The following BCL9 variants were observed in gnomAD, a reference collection of about 807,000 sequenced individuals.
BCL9 encodes the protein BCL9 transcription coactivator.
BCL9 carries 25 observed loss-of-function variants against 88.5 expected under a neutral mutation model. The observed-to-expected ratio is 0.28, with a 90% confidence interval of 0.21 to 0.39. BCL9 has a LOEUF of 0.39. Ranked by LOEUF, BCL9 falls within the 10% of genes least tolerant of loss-of-function variation. The pLI, the probability that BCL9 is intolerant of heterozygous loss-of-function variation, is 1.00. For missense variants in BCL9, 1,817 were observed against 1,877.8 expected, an observed-to-expected ratio of 0.97 and a Z score of 0.60; for synonymous variants, 711 against 673.3, an observed-to-expected ratio of 1.06 and a Z score of -0.87.
rs781927650 is a variant in BCL9 at position 147,622,512 on chromosome 1, A to G, written c.3144A>G (p.Pro1048=). 41 of 1,614,068 alleles carry G rather than the reference A, an allele frequency of 2.5e-5. No individual in the cohort carries two copies. In the South Asian group the frequency reaches 4.1e-4, roughly 16 times the overall value. ...DSPPARSPNL[P]SMNNMPGMGI... ...CTCCAGCTCGTTCTCCCAACTTGCC[A>G]TCAATGAATAATATGCCAGGTAAGA... is the stretch of plus-strand genomic sequence containing the variant. The change falls in exon 9 of 10, where the codon CCA becomes CCG. Residue 1048 remains proline, a synonymous_variant. Coordinates refer to ENST00000234739, the MANE Select transcript of BCL9 (RefSeq NM_004326.4).
intron 7 of BCL9, among the ~76,000 whole-genome samples, chr1:147,618,434 A>G (rs950678947): frequency 5.3e-5 from 8 of 152,218 alleles, no homozygotes. Flanking sequence ...AAAAGGTGTT[A>G]GGTACAGCCT....
intron 1 of BCL9, among the ~76,000 whole-genome samples, chr1:147,549,720 T>G (rs1654799137): frequency 6.6e-6 from 1 of 152,238 alleles, no homozygotes; most frequent in African/African-American, 2.4e-5. Context: ...ATCGTGAAGA[T>G]GCTCACAGAT....
At chr1:147,582,026 C>T (rs1245513916) in intron 1 of BCL9, among the ~76,000 whole-genome samples, 1 of 152,152 alleles carries the variant, frequency 6.6e-6, no homozygotes, top group Non-Finnish European at 1.5e-5. Flanking sequence ...ACCCAGCATC[C>T]AGAGCACTTT....
intron 1 of BCL9, among the ~76,000 whole-genome samples, chr1:147,578,369 G>A (rs1340864766): frequency 6.6e-6 from 1 of 152,090 alleles, no homozygotes; most frequent in Admixed American, 6.6e-5. Context: ...CATGTGACAG[G>A]TCACAGTCAG....
intron 1 of BCL9, among the ~76,000 whole-genome samples, chr1:147,601,859 G>C (rs1657406331): frequency 6.6e-6 from 1 of 152,070 alleles, no homozygotes; most frequent in Admixed American, 6.5e-5. Flanking sequence ...TTGAGGGCTT[G>C]GATAAAAAGA....
chr1:147,623,740 C>A, intron 9 of BCL9, 102 bp from the exon 10 acceptor site: 1 of 1,310,416 alleles, frequency 7.6e-7, no homozygotes, highest in Non-Finnish European at 1.1e-6. Context: ...CAGCATTATA[C>A]TATGCACATT....
rs147100052 is a variant in BCL9 at position 147,550,857 on chromosome 1, G to A, written c.-478+9183G>A. 5.5e-3 allele frequency among the ~76,000 whole-genome samples: 838 copies of A among 152,286 alleles called. 9 individuals are homozygous for A. Among genetic ancestry groups the A allele is most frequent in the African/African-American group, 0.019 (776 of 41,560 alleles). On this transcript the variant is annotated intron_variant, in intron 1 of 9. Transcript: ENST00000234739. ...AGGGATAATAATTGTTATTTAAATA[G>A]CTTGTCTTAAGAATTAAATTAGATG...
chr1:147,586,327 T>C (rs782213904), intron 1 of BCL9, among the ~76,000 whole-genome samples: 4 of 152,092 alleles, frequency 2.6e-5, no homozygotes, highest in Non-Finnish European at 4.4e-5. Flanking sequence ...CTACCTGGAC[T>C]ACTGTAATAG....
chr1:147,597,082 T>A (rs1657089852), intron 1 of BCL9, among the ~76,000 whole-genome samples: 1 of 152,244 alleles, frequency 6.6e-6, no homozygotes, highest in Middle Eastern at 3.4e-3. Flanking sequence ...TGCTGTGGAG[T>A]CTTGGACTCA....
chr1:147,544,537 A>T (rs1205833837), intron 1 of BCL9, among the ~76,000 whole-genome samples: 2 of 152,138 alleles, frequency 1.3e-5, no homozygotes, highest in Non-Finnish European at 2.9e-5. Flanking sequence ...TGTTACCTGG[A>T]TAATTCATGT....
intron 1 of BCL9, among the ~76,000 whole-genome samples, chr1:147,591,645 C>T (rs1656849249): frequency 6.6e-6 from 1 of 152,186 alleles, no homozygotes; most frequent in African/African-American, 2.4e-5. Context: ...CTATCATTTT[C>T]TGATTCACTG....
chr1:147,546,385 C>A (rs587608267), intron 1 of BCL9, among the ~76,000 whole-genome samples: 29 of 152,062 alleles, frequency 1.9e-4, no homozygotes, highest in African/African-American at 7.0e-4. Flanking sequence ...CCATCCCCCC[C>A]CTTTTTTTAA....
intron 1 of BCL9, among the ~76,000 whole-genome samples, chr1:147,575,616 A>T (rs1414647553): frequency 1.3e-5 from 2 of 152,100 alleles, no homozygotes; most frequent in African/African-American, 4.8e-5. Flanking sequence ...ACTATAATAA[A>T]CATGTATTTT....
In BCL9 at chr1:147,596,890, C is replaced by A. The variant is rs1258570296; in HGVS notation, c.-477-7887C>A. ...AGTACAAGCAGCAGGAGCCCATGGACAAGCTGAGGGCTTTGACCAAGGCAA... is the reference window on the plus strand; with the variant it reads ...AGTACAAGCAGCAGGAGCCCATGGAAAAGCTGAGGGCTTTGACCAAGGCAA... On this transcript the variant is annotated intron_variant, in intron 1 of 9. Transcript: ENST00000234739. 1.2e-4 allele frequency among the ~76,000 whole-genome samples: 19 copies of A among 152,264 alleles called. No homozygotes were observed. In the East Asian group the frequency reaches 3.7e-3, roughly 29 times the overall value.
Position 147,620,812 on chromosome 1 carries a change from C to T in BCL9, c.2657C>T (p.Pro886Leu). 3.7e-6 allele frequency: 6 copies of T among 1,614,172 alleles called. No homozygotes were observed. The highest frequency in any genetic ancestry group is 5.1e-6 in the Non-Finnish European group (6 of 1,180,042). Residue 886 changes from proline (P) to leucine (L), a missense_variant, in exon 8 of 10, where the codon CCC (proline) becomes CTC (leucine). Transcript: ENST00000234739. Reference sequence around the variant, plus strand: ...TCGCCCTCGGGGAACCTCAAGTCCCCCCAGACTCCATCGCAGCTGGCAGGC... The same window carrying T: ...TCGCCCTCGGGGAACCTCAAGTCCCTCCAGACTCCATCGCAGCTGGCAGGC... ...LGSPSGNLKSPQTPSQLAGML... is the reference protein window; with the variant it reads ...LGSPSGNLKSLQTPSQLAGML...
chr1:147,583,085 T>A (rs1198416993), intron 1 of BCL9, among the ~76,000 whole-genome samples: 2 of 152,190 alleles, frequency 1.3e-5, no homozygotes, highest in Non-Finnish European at 2.9e-5. Flanking sequence ...TCATGTAAAT[T>A]TTTTTGTATT....
intron 1 of BCL9, among the ~76,000 whole-genome samples, chr1:147,556,482 C>T (rs1402773061): frequency 6.6e-6 from 1 of 151,388 alleles, no homozygotes; most frequent in Non-Finnish European, 1.5e-5. Flanking sequence ...GACAGAGTCT[C>T]CCTCTGTCGC....
chr1:147,584,724 C>T (rs1168349364), intron 1 of BCL9, among the ~76,000 whole-genome samples: 1 of 152,180 alleles, frequency 6.6e-6, no homozygotes, highest in Non-Finnish European at 1.5e-5. Context: ...CTGTAAATTT[C>T]AGTAGCATCT....
rs782322083 is a variant in BCL9 at position 147,615,863 on chromosome 1, C to A, written c.621C>A (p.Asn207Lys). The part of the protein sequence containing the change: ...VETIVSFHIQ[N>K]ISNNKTERST... ...CTATCGTCTCTTTCCACATCCAGAACATTTCTAACAACAAGACAGAGAGAA... is the reference window on the plus strand; with the variant it reads ...CTATCGTCTCTTTCCACATCCAGAAAATTTCTAACAACAAGACAGAGAGAA... Residue 207 changes from asparagine (N) to lysine (K), a missense_variant, in exon 7 of 10, where the codon AAC (asparagine) becomes AAA (lysine). Transcript: ENST00000234739. 6.2e-7 allele frequency: 1 copy of A among 1,614,160 alleles called. No homozygotes were observed. Among genetic ancestry groups the A allele is most frequent in the East Asian group, 2.2e-5 (1 of 44,882 alleles).
Sources: gnomAD v4.1 joint callset for allele counts (sites outside exome capture counted in the v4.1 genomes callset) on GRCh38, gnomAD v4.1.1 for gene constraint, MANE v1.5 for transcripts, NCBI Gene and HGNC (gene_info 2026-07-23, HGNC 2026-07-21) for gene names.